The following CDC27 variants were observed in gnomAD, a reference collection of about 807,000 sequenced individuals.
CDC27 encodes the protein cell division cycle 27.
CDC27 carries 27 observed loss-of-function variants against 109.7 expected under a neutral mutation model. The observed-to-expected ratio is 0.25, with a 90% CI of 0.18 to 0.34. The LOEUF is 0.34. CDC27 is among the 10% of genes least tolerant of loss of function. CDC27 has a pLI of 1.00. For missense variants in CDC27, 579 were observed against 960.2 expected, an observed-to-expected ratio of 0.60 and a Z score of 5.25; for synonymous variants, 266 against 333.9, an observed-to-expected ratio of 0.80 and a Z score of 2.22.
intron 16 of CDC27, among the ~76,000 whole-genome samples, 178 bp downstream of exon 16, chr17:47,129,215 C>T (rs764458660): frequency 1.3e-5 from 2 of 152,212 alleles, no homozygotes; most frequent in Non-Finnish European, 2.9e-5. Context: ...AATATCCACA[C>T]ACCTATCCTT....
At chr17:47,144,631 C>G (rs2062898543) in intron 9 of CDC27, among the ~76,000 whole-genome samples, 2 of 152,036 alleles carry the variant, frequency 1.3e-5, no homozygotes, top group African/African-American at 4.8e-5. Context: ...AAAGGCAAAC[C>G]CTGAGATATG....
In CDC27 at chr17:47,132,350, G is replaced by A; in HGVS notation, c.1938C>T (p.Tyr646=). 1 of 1,594,610 alleles carries A rather than the reference G, an allele frequency of 6.3e-7. No homozygotes were observed. The highest frequency in any genetic ancestry group is 8.6e-7 in the Non-Finnish European group (1 of 1,164,878). The change falls in exon 15 of 19, where the codon TAC becomes TAT. Residue 646 remains tyrosine, a synonymous_variant. Coordinates refer to ENST00000066544, the MANE Select transcript of CDC27 (RefSeq NM_001256.6). The stretch of plus-strand genomic sequence containing the variant: ...CTGCAAGGCTGAATTTTTCTTGCTT[G>A]TAATAAATCATTCCTAAACCATACC... The part of the protein sequence containing the change: ...NAWYGLGMIY[Y]KQEKFSLAEM...
intron 8 of CDC27, 130 bp downstream of exon 8, chr17:47,154,542 A>G (rs1186990914): frequency 5.2e-6 from 3 of 581,246 alleles, no homozygotes; most frequent in African/African-American, 1.9e-5. Context: ...ATCACCCTCT[A>G]CCTGCTGGGT....
chr17:47,154,324 T>A (rs2063235315), intron 8 of CDC27, among the ~76,000 whole-genome samples: 1 of 152,186 alleles, frequency 6.6e-6, no homozygotes, highest in African/African-American at 2.4e-5. Flanking sequence ...ACATAATTTC[T>A]GTTATTTATA....
At chr17:47,151,174 A>C (rs1158508156) in intron 9 of CDC27, among the ~76,000 whole-genome samples, 1 of 152,234 alleles carries the variant, frequency 6.6e-6, no homozygotes, top group Non-Finnish European at 1.5e-5. Context: ...AGCCTCAGGC[A>C]ATCACTGCAA....
At chr17:47,151,732 T>C in intron 9 of CDC27, 74 bp downstream of exon 9, 1 of 1,195,694 alleles carries the variant, frequency 8.4e-7, no homozygotes, top group Non-Finnish European at 1.1e-6. Context: ...AGAGTCACTA[T>C]CTGCCTAAAT....
intron 1 of CDC27, among the ~76,000 whole-genome samples, chr17:47,186,756 T>TA (rs1474562205): frequency 1.3e-5 from 2 of 149,916 alleles, no homozygotes; most frequent in African/African-American, 4.9e-5. Context: ...ATTAAAACTT[T>TA]AAAGAAAAAA....
At chr17:47,145,336 A>AGAGAGCTACAAAGAG (rs1444054698) in intron 9 of CDC27, among the ~76,000 whole-genome samples, 1 of 152,196 alleles carries the variant, frequency 6.6e-6, no homozygotes, top group Non-Finnish European at 1.5e-5. Context: ...ACCAGAGAGA[A>AGAGAGCTACAAAGAG]GAGAGCTACA....
chr17:47,188,283 G>A (rs371071302), intron 1 of CDC27, among the ~76,000 whole-genome samples: 2 of 152,110 alleles, frequency 1.3e-5, no homozygotes, highest in African/African-American at 4.8e-5. Flanking sequence ...AGGCACAAAA[G>A]ATACAGTTTC....
intron 9 of CDC27, among the ~76,000 whole-genome samples, chr17:47,149,294 C>A (rs1598475174): frequency 6.6e-6 from 1 of 151,318 alleles, no homozygotes; most frequent in East Asian, 2.0e-4. Flanking sequence ...AGGAGGATCA[C>A]AAGGTCAAGA....
At position 47,160,503 on chromosome 17, in the gene CDC27, G is replaced by T. The variant is rs1295204891; in HGVS notation, c.378-2200C>A. On this transcript the variant is annotated intron_variant, in intron 4 of 18. Transcript: ENST00000066544. ...AGCCTCCCAAAGTGTTGGGATTACA[G>T]GCGTGAGCCACAGCACCTGGTCGCC... Among the ~76,000 whole-genome samples, 5 of 152,172 alleles carry T rather than the reference G, an allele frequency of 3.3e-5. No homozygotes were observed. The South Asian group carries it at 8.3e-4, about 25-fold the overall frequency.
chr17:47,123,941 T>C lies in CDC27; in HGVS notation c.2180A>G (p.Glu727Gly). ...EKYKSALQEL[E>G]ELKQIVPKES... is the part of the protein sequence containing the mutation. ...TTTGGGAACAATTTGTTTCAATTCT[T>C]CAAGTTCTTGTAAAGCAGACTGAAA... The change falls in exon 17 of 19, where the codon GAA becomes GGA. Residue 727 changes from glutamate (E) to glycine (G), a missense_variant. Physicochemically the swap from Glu to Gly is moderately conservative, Grantham distance 98. This residue lies in a region of CDC27 where 227 missense variants were observed against 363.6 expected (regional missense o/e 0.62). Transcript: ENST00000066544. 2 of 1,602,694 alleles carry C rather than the reference T, an allele frequency of 1.2e-6. No homozygotes were observed. Among genetic ancestry groups the C allele is most frequent in the Non-Finnish European group, 8.5e-7 (1 of 1,177,106 alleles).
At chr17:47,132,988 C>CATAT (rs1158266100) in intron 14 of CDC27, among the ~76,000 whole-genome samples, 251 of 40,780 alleles carry the variant, frequency 6.2e-3, no homozygotes, top group East Asian at 0.011. Flanking sequence ...TGCCCAGGCG[C>CATAT]ATATATATAT....
At position 47,176,785 on chromosome 17, in the gene CDC27, C is replaced by A. The variant is rs532791623; in HGVS notation, c.104-4721G>T. On this transcript the variant is annotated intron_variant, in intron 2 of 18. Coordinates refer to ENST00000066544, the MANE Select transcript of CDC27 (RefSeq NM_001256.6). ...TATTGAGTTTGATGTGTCTGTGAAA[C>A]ATCCAAGTTAATTCAATGAAAATAG... is the stretch of plus-strand genomic sequence containing the variant. Among the ~76,000 whole-genome samples the A allele has an allele frequency of 5.9e-5, 9 of 152,276 alleles. No homozygotes were observed. The East Asian group carries it at 1.2e-3, about 20-fold the overall frequency.
At chr17:47,169,834 C>T in intron 4 of CDC27, 83 bp downstream of exon 4, 1 of 1,180,394 alleles carries the variant, frequency 8.5e-7, no homozygotes, top group Non-Finnish European at 1.2e-6. Context: ...ATTTGATAAA[C>T]ACTGATCAAC....
At chr17:47,173,173 A>T (rs919999680) in intron 2 of CDC27, among the ~76,000 whole-genome samples, 1 of 152,210 alleles carries the variant, frequency 6.6e-6, no homozygotes, top group Non-Finnish European at 1.5e-5. Flanking sequence ...AAGAGTTTGG[A>T]TAAAAAAGTA....
At position 47,139,032 on chromosome 17, in the gene CDC27, G is replaced by A. The variant is rs1321106012; in HGVS notation, c.1552-141C>T. The A allele has an allele frequency of 2.4e-5, 13 of 542,808 alleles. No homozygotes were observed. In the South Asian group the frequency reaches 4.2e-4, roughly 17 times the overall value. 33.6% of individuals were successfully genotyped at this position (542,808 alleles called of 1,614,324 possible). A position where few individuals can be genotyped will look rare whatever the true frequency, so the allele number is the denominator to read the frequency against. On this transcript the variant is annotated intron_variant, in intron 12 of 18. Coordinates refer to ENST00000066544, the MANE Select transcript of CDC27 (RefSeq NM_001256.6). ...TTATGTGAATGAGTATTAACACAAGGACAAATTCAGCAATCTACTATGGCA... is the reference window on the plus strand; with the variant it reads ...TTATGTGAATGAGTATTAACACAAGAACAAATTCAGCAATCTACTATGGCA...
At chr17:47,132,771 A>C (rs1371040455) in intron 14 of CDC27, among the ~76,000 whole-genome samples, 1 of 127,286 alleles carries the variant, frequency 7.9e-6, no homozygotes, top group Non-Finnish European at 1.6e-5. Flanking sequence ...TATTATTATT[A>C]TTATTATTAT....
intron 4 of CDC27, chr17:47,161,887 C>A (rs1432634459): frequency 1.3e-5 from 2 of 151,574 alleles, no homozygotes; most frequent in African/African-American, 4.9e-5. Flanking sequence ...TTCCCTCAGG[C>A]CTCAGTCCCT....
Sources: gnomAD v4.1 joint callset for allele counts (sites outside exome capture counted in the v4.1 genomes callset) on GRCh38, gnomAD v4.1.1 for gene constraint, gnomAD v4.1.1 regional missense constraint, MANE v1.5 for transcripts, NCBI Gene and HGNC (gene_info 2026-07-23, HGNC 2026-07-21) for gene names.